The following LYST variants were observed in gnomAD, a reference collection of about 807,000 sequenced individuals.
LYST encodes lysosomal-trafficking regulator.
In LYST, 192 loss-of-function variants were observed where a neutral mutation model predicts 413.6. The ratio of observed to expected loss-of-function variants is 0.46; its 90% CI spans 0.41 to 0.52. The LOEUF (loss-of-function observed/expected upper bound fraction) is 0.52. LYST is among the 20% of genes least tolerant of loss of function. The probability of loss-of-function intolerance (pLI) is 0.00; values close to 1 mark genes in which losing one functional copy is unlikely to be tolerated. For missense variants in LYST, 3,815 were observed against 4,499.9 expected, an observed-to-expected ratio of 0.85 and a Z score of 4.35; for synonymous variants, 1,525 against 1,567.3, an observed-to-expected ratio of 0.97 and a Z score of 0.64.
Position 235,737,916 on chromosome 1 carries a change from AGT to A in LYST, c.8359-3259_8359-3258del. 75 of 1,163,374 alleles carry A rather than the reference AGT, an allele frequency of 6.4e-5. No individual in the cohort carries two copies. The Admixed American group carries it at 7.0e-4, about 11-fold the overall frequency. The allele number at this position is 1,163,374 out of a possible 1,614,324, so 72.1% of individuals were successfully genotyped here. Reference sequence around the variant, plus strand: ...GAAGGTGCTGGAGCCGCTGCCGACGAGTCTGGATCTCACTGCCGCGTGCCCCA... The same window carrying A: ...GAAGGTGCTGGAGCCGCTGCCGACGACTGGATCTCACTGCCGCGTGCCCCA... On this transcript the variant is annotated intron_variant, in intron 31 of 52. Transcript: ENST00000389793.
At chr1:235,721,749 G>C (rs1342076870) in intron 39 of LYST, among the ~76,000 whole-genome samples, 1 of 152,120 alleles carries the variant, frequency 6.6e-6, no homozygotes, top group Admixed American at 6.5e-5. Context: ...TCCACGGAAG[G>C]GGATTTATGA....
chr1:235,820,545 T>A (rs1572369210), intron 3 of LYST, among the ~76,000 whole-genome samples: 1 of 151,938 alleles, frequency 6.6e-6, no homozygotes, highest in South Asian at 2.1e-4. Context: ...GATTTTTGTA[T>A]TTTTTTGTAG....
chr1:235,828,814 C>T, intron 3 of LYST: 1 of 790,056 alleles, frequency 1.3e-6, no homozygotes, highest in Non-Finnish European at 1.5e-6. Flanking sequence ...ATGATTTTTT[C>T]TGATTTTAAA....
chr1:235,723,983 A>C, intron 39 of LYST, 45 bp downstream of exon 39: 1 of 1,520,444 alleles, frequency 6.6e-7, no homozygotes, highest in Non-Finnish European at 9.1e-7. Flanking sequence ...ACAGTGGCCC[A>C]TGAGCACTTA....
intron 1 of LYST, among the ~76,000 whole-genome samples, chr1:235,878,649 C>A (rs1412643295): frequency 6.6e-6 from 1 of 152,166 alleles, no homozygotes; most frequent in Admixed American, 6.5e-5. Context: ...AGCAGGATAA[C>A]CTCTCCTGAC....
At chr1:235,741,271 C>T in intron 31 of LYST, 151 bp downstream of exon 31, 1 of 713,688 alleles carries the variant, frequency 1.4e-6, no homozygotes, top group Non-Finnish European at 2.4e-6. Flanking sequence ...TGTGAAAGCA[C>T]CTGAGAAAGA....
chr1:235,736,082 C>T (rs1333584723), intron 31 of LYST: 1 of 152,020 alleles, frequency 6.6e-6, no homozygotes, highest in East Asian at 1.9e-4. Flanking sequence ...TCAAAGGAAA[C>T]ACATGATTTT....
intron 39 of LYST, among the ~76,000 whole-genome samples, chr1:235,721,895 C>T (rs925914949): frequency 1.3e-5 from 2 of 152,120 alleles, no homozygotes; most frequent in African/African-American, 4.8e-5. Context: ...TGGCATTCTA[C>T]TGGGGAGAGG....
intron 42 of LYST, chr1:235,712,542 T>C (rs1662479425): frequency 1.1e-6 from 1 of 937,634 alleles, no homozygotes; most frequent in Admixed American, 6.0e-5. Flanking sequence ...GGGTATTCAA[T>C]CATGGTTTAT....
chr1:235,825,271 G>A (rs1240098080), intron 3 of LYST, among the ~76,000 whole-genome samples: 1 of 152,128 alleles, frequency 6.6e-6, no homozygotes, highest in African/African-American at 2.4e-5. Flanking sequence ...AATACCTCAT[G>A]CTTCTCCTTA....
chr1:235,737,916 A>ATTAGC, intron 31 of LYST: 1 of 1,163,406 alleles, frequency 8.6e-7, no homozygotes, highest in Non-Finnish European at 1.1e-6. Context: ...GCTGCCGACG[A>ATTAGC]GTCTGGATCT....
At chr1:235,842,637 G>T (rs1049469982) in intron 1 of LYST, among the ~76,000 whole-genome samples, 50 of 152,228 alleles carry the variant, frequency 3.3e-4, no homozygotes, top group African/African-American at 1.1e-3. Flanking sequence ...ATTTTCATTA[G>T]GTTAACTTGT....
chr1:235,837,584 G>C (rs1302194787), intron 1 of LYST, among the ~76,000 whole-genome samples: 3 of 149,600 alleles, frequency 2.0e-5, no homozygotes, highest in Non-Finnish European at 4.4e-5. Context: ...CTGAGATTGA[G>C]CCACCGCATA....
intron 25 of LYST, 65 bp downstream of exon 25, chr1:235,755,413 G>GAAAAC: frequency 7.3e-7 from 1 of 1,368,764 alleles, no homozygotes; most frequent in Non-Finnish European, 1.0e-6. Flanking sequence ...GAAAAGAAAA[G>GAAAAC]AAAAGAAAAG....
intron 6 of LYST, among the ~76,000 whole-genome samples, chr1:235,804,899 T>C (rs2102853009): frequency 6.6e-6 from 1 of 152,262 alleles, no homozygotes; most frequent in East Asian, 1.9e-4. Context: ...CATTGCAGCA[T>C]GGTAAAGAAT....
At chr1:235,747,181 G>C (rs1184050474) in intron 28 of LYST, 7 of 437,074 alleles carry the variant, frequency 1.6e-5, no homozygotes, top group African/African-American at 1.4e-4. Context: ...TGCTCCAGGA[G>C]GTACAACACA....
Position 235,780,864 on chromosome 1 carries a change from C to A in LYST, c.5214+1G>T. On this transcript the variant is annotated splice_donor_variant, in intron 16 of 52. Coordinates refer to ENST00000389793, the MANE Select transcript of LYST (RefSeq NM_000081.4). LOFTEE classifies it high-confidence loss of function. ...TTAAAATTTATAAAATTAAAACTTA[C>A]AATTAAGAGACCAATATCCACATCT... 1.5e-6 allele frequency: 2 copies of A among 1,373,360 alleles called. No individual in the cohort carries two copies. The highest frequency in any genetic ancestry group is 1.0e-6 in the Non-Finnish European group (1 of 998,480). 85.1% of individuals were successfully genotyped at this position (1,373,360 alleles called of 1,614,324 possible). A position where few individuals can be genotyped will look rare whatever the true frequency, so the allele number is the denominator to read the frequency against.
At position 235,662,156 on chromosome 1, in the gene LYST, A is replaced by T. The variant is rs1276290062; in HGVS notation, c.*784T>A. The T allele has an allele frequency of 6.6e-6, 1 of 152,330 alleles. No homozygotes were observed. Among genetic ancestry groups the T allele is most frequent in the Non-Finnish European group, 1.5e-5 (1 of 68,134 alleles). The allele number at this position is 152,330 out of a possible 1,614,324, so 9.4% of individuals were successfully genotyped here. A position where few individuals can be genotyped will look rare whatever the true frequency, so the allele number is the denominator to read the frequency against. ...TGCTCTGTAAATAGCAGACTTTAAGACTTACCATTGTGTTTAAACCTCAGT... is the reference window on the plus strand; with the variant it reads ...TGCTCTGTAAATAGCAGACTTTAAGTCTTACCATTGTGTTTAAACCTCAGT... On this transcript the variant is annotated 3_prime_UTR_variant, in exon 53 of 53. Transcript: ENST00000389793.
chr1:235,850,371 T>C (rs1490090007), intron 1 of LYST, among the ~76,000 whole-genome samples: 1 of 152,050 alleles, frequency 6.6e-6, no homozygotes, highest in African/African-American at 2.4e-5. Flanking sequence ...ATACAAAAAA[T>C]CAACTACACA....
Sources: allele counts gnomAD v4.1 joint callset (sites outside exome capture counted in the v4.1 genomes callset), GRCh38; gene constraint gnomAD v4.1.1; transcripts MANE v1.5; gene names NCBI Gene and HGNC (gene_info 2026-07-23, HGNC 2026-07-21).